Variants in KIF21A observed in about 807,000 individuals in gnomAD.
KIF21A encodes the protein kinesin family member 21A.
A neutral mutation model predicts 202.9 loss-of-function variants in KIF21A; 114 were observed. That is an observed-to-expected ratio of 0.56 (90% CI 0.48 to 0.66). The LOEUF (loss-of-function observed/expected upper bound fraction) is 0.66. Among genes scored for constraint, KIF21A ranks in the 30% least tolerant of loss-of-function variants. The pLI, the probability that KIF21A is intolerant of heterozygous loss-of-function variation, is 0.00. For missense variants in KIF21A, 1,677 were observed against 1,994.9 expected, an observed-to-expected ratio of 0.84 and a Z score of 3.04; for synonymous variants, 667 against 670.8, an observed-to-expected ratio of 0.99 and a Z score of 0.09.
At chr12:39,339,438 G>C (rs1387244496) in intron 16 of KIF21A, among the ~76,000 whole-genome samples, 1 of 152,048 alleles carries the variant, frequency 6.6e-6, no homozygotes, top group Non-Finnish European at 1.5e-5. Context: ...TGTGTAGTAG[G>C]CTATACCATC....
At chr12:39,317,601 G>T (rs1440759656) in intron 29 of KIF21A, among the ~76,000 whole-genome samples, 1 of 152,070 alleles carries the variant, frequency 6.6e-6, no homozygotes, top group Admixed American at 6.6e-5. Context: ...AAATTTTGTG[G>T]TGAACTTGTC....
At chr12:39,296,310 C>T (rs1285424718) in intron 37 of KIF21A, among the ~76,000 whole-genome samples, 1 of 151,854 alleles carries the variant, frequency 6.6e-6, no homozygotes, top group Non-Finnish European at 1.5e-5. Context: ...ACCTCATGAC[C>T]CGCCTGCCTC....
At chr12:39,319,422 C>A (rs1181210538) in intron 28 of KIF21A, among the ~76,000 whole-genome samples, 1 of 152,052 alleles carries the variant, frequency 6.6e-6, no homozygotes, top group Admixed American at 6.6e-5. Context: ...GAGGATAATA[C>A]CAACAATGTA....
chr12:39,377,597 T>C (rs911341232), intron 1 of KIF21A, among the ~76,000 whole-genome samples: 2 of 152,128 alleles, frequency 1.3e-5, no homozygotes, highest in Non-Finnish European at 2.9e-5. Flanking sequence ...ACTGCATAAA[T>C]AATAAGTAAC....
chr12:39,405,403 T>A (rs1017108952), intron 1 of KIF21A, among the ~76,000 whole-genome samples: 3 of 152,094 alleles, frequency 2.0e-5, no homozygotes, highest in African/African-American at 7.2e-5. Context: ...AATGCTATTT[T>A]TAAAGTAAGA....
chr12:39,341,554 A>C lies in KIF21A; in HGVS notation c.1872T>G (p.Ile624Met). The change falls in exon 14 of 38, where the codon ATT (isoleucine) becomes ATG (methionine). Residue 624 changes from isoleucine (I) to methionine (M), a missense_variant. Transcript: ENST00000361418. ...ATTCATCAGAACTTTCACCCCCATC[A>C]ATGTCATCTTCCTCCTCCTCCTCCT... ...EEEEEEEEDDIDGGESSDESD... is the reference protein window; with the variant it reads ...EEEEEEEEDDMDGGESSDESD... 6.2e-7 allele frequency: 1 copy of C among 1,612,732 alleles called. No individual in the cohort carries two copies. The highest frequency in any genetic ancestry group is 8.5e-7 in the Non-Finnish European group (1 of 1,179,184).
chr12:39,319,754 A>C (rs531187906), intron 28 of KIF21A, 152 bp downstream of exon 28: 1 of 616,456 alleles, frequency 1.6e-6, no homozygotes, highest in African/African-American at 1.9e-5. Flanking sequence ...CACCGAGCCA[A>C]GCCAAAAGCT....
chr12:39,369,680 C>T, intron 3 of KIF21A, 49 bp downstream of exon 3: 1 of 1,422,150 alleles, frequency 7.0e-7, no homozygotes, highest in Non-Finnish European at 9.9e-7. Flanking sequence ...TAAACACAGT[C>T]TATAAGAACA....
chr12:39,393,462 G>C (rs752210595), intron 1 of KIF21A, among the ~76,000 whole-genome samples: 8 of 152,120 alleles, frequency 5.3e-5, no homozygotes, highest in Non-Finnish European at 1.2e-4. Flanking sequence ...TTTCCATATG[G>C]GTTGTCCAGA....
intron 1 of KIF21A, among the ~76,000 whole-genome samples, chr12:39,416,733 A>ATG (rs1196684255): frequency 9.5e-5 from 10 of 104,830 alleles, no homozygotes; most frequent in South Asian, 5.4e-4. Flanking sequence ...GTACATATAT[A>ATG]TGTGTATATA....
chr12:39,426,367 G>A (rs1230042010), intron 1 of KIF21A, among the ~76,000 whole-genome samples: 4 of 152,140 alleles, frequency 2.6e-5, no homozygotes, highest in African/African-American at 9.7e-5. Context: ...ATGTGTGGAT[G>A]AACAGTCGTC....
rs1197696557 is a variant in KIF21A, at chr12:39,407,609, A to G, written c.44+35318T>C. Among the ~76,000 whole-genome samples the G allele has an allele frequency of 1.3e-5, 2 of 152,200 alleles. 1 individual carries two copies. The highest frequency in any genetic ancestry group is 4.8e-5 in the African/African-American group (2 of 41,452). ...GTGAGATAAATACTATAATTATCTC[A>G]TTTTACAGAAGATAAAACCAAGGCT... is the stretch of plus-strand genomic sequence containing the variant. On this transcript the variant is annotated intron_variant, in intron 1 of 37. Transcript: ENST00000361418.
At chr12:39,322,158 C>T (rs2137750599) in intron 27 of KIF21A, 1 of 153,122 alleles carries the variant, frequency 6.5e-6, no homozygotes, top group South Asian at 2.1e-4. Context: ...CCAGAATATG[C>T]AATATGCTTC....
intron 26 of KIF21A, among the ~76,000 whole-genome samples, 161 bp from the exon 27 acceptor site, chr12:39,323,043 A>G (rs907118853): frequency 1.4e-5 from 2 of 140,082 alleles, no homozygotes; most frequent in Admixed American, 1.4e-4. Flanking sequence ...AGCCAGAGCT[A>G]TATAGCTAGA....
chr12:39,395,384 T>C (rs1371870037), intron 1 of KIF21A, among the ~76,000 whole-genome samples: 10 of 145,858 alleles, frequency 6.9e-5, no homozygotes, highest in Non-Finnish European at 1.5e-4. Context: ...ACCCACCCGC[T>C]TCTTCACCGC....
intron 35 of KIF21A, among the ~76,000 whole-genome samples, chr12:39,303,750 T>C (rs1943188811): frequency 6.6e-6 from 1 of 152,204 alleles, no homozygotes; most frequent in African/African-American, 2.4e-5. Flanking sequence ...TAGGTAACTC[T>C]GCAGTCCCGG....
rs1285309200 is a variant in KIF21A, at chr12:39,442,901, G to T, written c.44+26C>A. ...CCGCGCCCTCAACCCGCCGCCCGCC[G>T]CCCGCCGCCGGCAGACTGTCCTCAC... On this transcript the variant is annotated intron_variant, in intron 1 of 37. Coordinates refer to ENST00000361418, the MANE Select transcript of KIF21A (RefSeq NM_001173464.2). The surrounding 1 kb of genome is among the most constrained non-coding windows in gnomAD (Gnocchi z 5.0). 1.3e-6 allele frequency: 2 copies of T among 1,523,036 alleles called. No individual in the cohort carries two copies. The highest frequency in any genetic ancestry group is 1.8e-6 in the Non-Finnish European group (2 of 1,142,084). 94.3% of individuals were successfully genotyped at this position (1,523,036 alleles called of 1,614,324 possible). A position where few individuals can be genotyped will look rare whatever the true frequency, so the allele number is the denominator to read the frequency against.
chr12:39,325,944 G>A (rs771156474), intron 25 of KIF21A, 51 bp from the exon 26 acceptor site: 2 of 1,424,608 alleles, frequency 1.4e-6, no homozygotes, highest in African/African-American at 2.8e-5. Context: ...AATTATTATA[G>A]AAAACTATAG....
intron 7 of KIF21A, among the ~76,000 whole-genome samples, chr12:39,359,786 C>CA (rs76833505): frequency 0.082 from 12,474 of 152,216 alleles, 648 homozygotes; most frequent in South Asian, 0.28. Context: ...AGCACAGGTA[C>CA]ATACATCCAT....
Sources: gnomAD v4.1 joint callset for allele counts (sites outside exome capture counted in the v4.1 genomes callset) on GRCh38, gnomAD v4.1.1 for gene constraint, Gnocchi (gnomAD v3.1) non-coding constraint, MANE v1.5 for transcripts, NCBI Gene and HGNC (gene_info 2026-07-23, HGNC 2026-07-21) for gene names.